GRM3: variants seen among roughly 807,000 people sequenced by gnomAD.
GRM3 encodes metabotropic glutamate receptor 3.
Under a neutral mutation model 70.5 loss-of-function variants are expected in GRM3, and 26 were observed. The ratio of observed to expected loss-of-function variants is 0.37; its 90% CI spans 0.27 to 0.51. GRM3 has a LOEUF of 0.51. Among genes scored for constraint, GRM3 ranks in the 20% least tolerant of loss-of-function variants. The pLI is 0.93. For missense variants in GRM3, 859 were observed against 1,123.8 expected (o/e 0.76, Z 3.37); for synonymous variants, 443 against 434.9 (o/e 1.02, Z -0.23).
chr7:86,828,037 G>A (rs13222916), intron 3 of GRM3, among the ~76,000 whole-genome samples: 21,014 of 149,514 alleles, frequency 0.14, 1,514 homozygotes, highest in Middle Eastern at 0.18. Flanking sequence ...GTGTGAACCC[G>A]GGAGGCAGAG....
At chr7:86,817,416 A>G (rs1035733328) in intron 3 of GRM3, among the ~76,000 whole-genome samples, 8 of 151,922 alleles carry the variant, frequency 5.3e-5, no homozygotes, top group African/African-American at 1.7e-4. Context: ...CTACAATTCC[A>G]ATCTTATTTA....
chr7:86,831,912 C>G (rs950172868), intron 3 of GRM3, among the ~76,000 whole-genome samples: 2 of 151,488 alleles, frequency 1.3e-5, no homozygotes, highest in Admixed American at 6.6e-5. Context: ...CTGAAGACAT[C>G]TAAGTGGTGC....
At chr7:86,845,175 C>T (rs1798632525) in intron 4 of GRM3, among the ~76,000 whole-genome samples, 1 of 152,130 alleles carries the variant, frequency 6.6e-6, no homozygotes, top group South Asian at 2.1e-4. Flanking sequence ...CTGATGAGAG[C>T]CACTGCACCC....
At chr7:86,725,107 T>C in intron 1 of GRM3, among the ~76,000 whole-genome samples, 1 of 152,148 alleles carries the variant, frequency 6.6e-6, no homozygotes. Flanking sequence ...ATTTGAATCC[T>C]CATTCTTTAA....
intron 1 of GRM3, among the ~76,000 whole-genome samples, chr7:86,732,274 A>C (rs1290916474): frequency 6.6e-6 from 1 of 152,188 alleles, no homozygotes; most frequent in African/African-American, 2.4e-5. Context: ...TTTTAACCCA[A>C]TGTGTACTAA....
intron 1 of GRM3, among the ~76,000 whole-genome samples, chr7:86,716,932 A>G (rs968227439): frequency 4.0e-5 from 6 of 151,878 alleles, no homozygotes; most frequent in African/African-American, 9.7e-5. Flanking sequence ...AGACACCAGA[A>G]CATAGTACTC....
chr7:86,848,247 C>T (rs1798693981), intron 4 of GRM3, among the ~76,000 whole-genome samples: 1 of 152,198 alleles, frequency 6.6e-6, no homozygotes, highest in Admixed American at 6.5e-5. Context: ...CATTCAATCT[C>T]ATTTCCTCCT....
chr7:86,856,820 A>C (rs747678272), intron 5 of GRM3, among the ~76,000 whole-genome samples: 1 of 152,048 alleles, frequency 6.6e-6, no homozygotes, highest in Non-Finnish European at 1.5e-5. Flanking sequence ...TTCTCTCTTT[A>C]TCTCTAATAT....
intron 1 of GRM3, among the ~76,000 whole-genome samples, chr7:86,657,942 T>C (rs1793788981): frequency 6.6e-6 from 1 of 152,234 alleles, no homozygotes; most frequent in Non-Finnish European, 1.5e-5. Context: ...AGTTTAATAA[T>C]GGAAAATGTG....
chr7:86,751,240 A>G (rs1796223564), intron 1 of GRM3, among the ~76,000 whole-genome samples: 1 of 152,060 alleles, frequency 6.6e-6, no homozygotes, highest in Non-Finnish European at 1.5e-5. Flanking sequence ...CCCAACCTTC[A>G]TGGTAGAAGC....
chr7:86,647,008 T>A (rs1468926985), intron 1 of GRM3, among the ~76,000 whole-genome samples: 1 of 152,166 alleles, frequency 6.6e-6, no homozygotes, highest in Non-Finnish European at 1.5e-5. Flanking sequence ...AATTGGTAAG[T>A]TGAACAAATG....
chr7:86,829,322 A>G (rs1392698295), intron 3 of GRM3, among the ~76,000 whole-genome samples: 1 of 152,184 alleles, frequency 6.6e-6, no homozygotes, highest in Admixed American at 6.5e-5. Context: ...AACTTTCTCC[A>G]TATCAGCAAT....
At chr7:86,670,743 T>C (rs1031708235) in intron 1 of GRM3, among the ~76,000 whole-genome samples, 1 of 152,236 alleles carries the variant, frequency 6.6e-6, no homozygotes, top group Non-Finnish European at 1.5e-5. Context: ...AAAACCTTCA[T>C]AGTTGCCAAT....
chr7:86,651,463 A>G (rs923622583), intron 1 of GRM3, among the ~76,000 whole-genome samples: 8 of 152,236 alleles, frequency 5.3e-5, no homozygotes, highest in Admixed American at 3.3e-4. Flanking sequence ...ATATGTCAGA[A>G]TACATGCCAA....
At chr7:86,840,902 A>G (rs965077647) in intron 4 of GRM3, among the ~76,000 whole-genome samples, 4 of 152,166 alleles carry the variant, frequency 2.6e-5, no homozygotes, top group African/African-American at 9.7e-5. Context: ...TTGCAGCCCA[A>G]AAAGAAGACA....
chr7:86,728,546 G>T (rs920632913), intron 1 of GRM3, among the ~76,000 whole-genome samples: 3 of 152,178 alleles, frequency 2.0e-5, no homozygotes, highest in Non-Finnish European at 4.4e-5. Flanking sequence ...GGCAAATCAG[G>T]TATCACATTT....
chr7:86,701,636 A>T (rs1344631435), intron 1 of GRM3, among the ~76,000 whole-genome samples: 2 of 151,954 alleles, frequency 1.3e-5, no homozygotes, highest in Non-Finnish European at 2.9e-5. Context: ...AGGGTAAAAG[A>T]TATCCAGGTG....
chr7:86,702,896 A>AC (rs1794975144), intron 1 of GRM3, among the ~76,000 whole-genome samples: 1 of 151,950 alleles, frequency 6.6e-6, no homozygotes, highest in Non-Finnish European at 1.5e-5. Flanking sequence ...ACCCTTAATG[A>AC]GAAAAAATAC....
intron 1 of GRM3, among the ~76,000 whole-genome samples, chr7:86,681,328 G>A (rs901223758): frequency 6.6e-6 from 1 of 152,090 alleles, no homozygotes; most frequent in Non-Finnish European, 1.5e-5. Context: ...TGGCCAAGGG[G>A]ATTGGGCCAT....
Sources: gnomAD v4.1 joint callset for allele counts (sites outside exome capture counted in the v4.1 genomes callset) on GRCh38, gnomAD v4.1.1 for gene constraint, MANE v1.5 for transcripts, NCBI Gene and HGNC (gene_info 2026-07-23, HGNC 2026-07-21) for gene names.